RTN1: variants seen among roughly 807,000 people sequenced by gnomAD.
The protein encoded by RTN1 is reticulon-1.
A neutral mutation model predicts 65.5 loss-of-function variants in RTN1; 25 were observed. That is an observed-to-expected ratio of 0.38 (90% CI 0.28 to 0.53). The LOEUF is 0.53. RTN1 is among the 20% of genes least tolerant of loss of function. RTN1 has a pLI of 0.79. For missense variants in RTN1, 983 were observed against 1,025.4 expected (o/e 0.96, Z 0.57); for synonymous variants, 471 against 447.6 (o/e 1.05, Z -0.66).
chr14:59,808,339 T>A (rs376219875), intron 1 of RTN1, among the ~76,000 whole-genome samples: 1 of 152,214 alleles, frequency 6.6e-6, no homozygotes, highest in East Asian at 1.9e-4. Context: ...TTATAAATAA[T>A]CCCAAACTGC....
At chr14:59,662,317 C>A (rs1883267683) in intron 3 of RTN1, among the ~76,000 whole-genome samples, 1 of 138,676 alleles carries the variant, frequency 7.2e-6, no homozygotes, top group African/African-American at 2.6e-5. Context: ...CCCCTCCCCC[C>A]ACCCCACAAC....
chr14:59,797,140 A>T (rs1886455135), intron 1 of RTN1, among the ~76,000 whole-genome samples: 1 of 152,130 alleles, frequency 6.6e-6, no homozygotes, highest in Non-Finnish European at 1.5e-5. Flanking sequence ...AAGATTTATT[A>T]TTTATTTTCT....
At chr14:59,800,344 G>A (rs1471126182) in intron 1 of RTN1, among the ~76,000 whole-genome samples, 1 of 152,170 alleles carries the variant, frequency 6.6e-6, no homozygotes, top group African/African-American at 2.4e-5. Context: ...ATTTTTTGAT[G>A]TTTGGCATTT....
At chr14:59,713,151 G>A (rs971886121) in intron 3 of RTN1, among the ~76,000 whole-genome samples, 2 of 152,096 alleles carry the variant, frequency 1.3e-5, no homozygotes, top group Non-Finnish European at 2.9e-5. Context: ...ATAGCTAGTA[G>A]TAAGTGGAGA....
intron 3 of RTN1, among the ~76,000 whole-genome samples, chr14:59,690,870 GA>G (rs899066921): frequency 2.0e-5 from 3 of 151,766 alleles, no homozygotes; most frequent in South Asian, 2.1e-4. Context: ...AAGGTATAAA[GA>G]AAAAAAATTT....
intron 1 of RTN1, among the ~76,000 whole-genome samples, chr14:59,813,369 T>C (rs1163032172): frequency 1.3e-5 from 2 of 152,084 alleles, no homozygotes; most frequent in African/African-American, 4.8e-5. Context: ...CCCAATTAGT[T>C]TGTGGGGAAA....
intron 3 of RTN1, among the ~76,000 whole-genome samples, chr14:59,610,609 G>C (rs1297112991): frequency 6.6e-6 from 1 of 152,188 alleles, no homozygotes; most frequent in Non-Finnish European, 1.5e-5. Flanking sequence ...AGCTGTCCTT[G>C]TTCATTCCTG....
At chr14:59,833,530 T>C (rs1008434072) in intron 1 of RTN1, among the ~76,000 whole-genome samples, 12 of 152,210 alleles carry the variant, frequency 7.9e-5, no homozygotes, top group African/African-American at 2.7e-4. Flanking sequence ...AAATTTTTTT[T>C]CTTTCCAACT....
chr14:59,684,880 A>C (rs1415269178), intron 3 of RTN1, among the ~76,000 whole-genome samples: 1 of 152,118 alleles, frequency 6.6e-6, no homozygotes, highest in East Asian at 1.9e-4. Context: ...AGTGCTGCTG[A>C]TGAGAAATAT....
At chr14:59,819,425 A>AC (rs1886891981) in intron 1 of RTN1, among the ~76,000 whole-genome samples, 1 of 14,826 alleles carries the variant, frequency 6.7e-5, no homozygotes, top group African/African-American at 6.3e-4. Context: ...CCCCCCCCCC[A>AC]CCCCCCACCC....
chr14:59,800,602 G>A (rs375330630), intron 1 of RTN1, among the ~76,000 whole-genome samples: 29 of 152,132 alleles, frequency 1.9e-4, no homozygotes, highest in Middle Eastern at 3.4e-3. Flanking sequence ...GGGTTTCACC[G>A]TGTTAGCCAG....
At chr14:59,713,304 G>A (rs2139459481) in intron 3 of RTN1, among the ~76,000 whole-genome samples, 1 of 152,316 alleles carries the variant, frequency 6.6e-6, no homozygotes, top group Non-Finnish European at 1.5e-5. Context: ...ATGGGGTTGG[G>A]AGCAGCTGCT....
chr14:59,670,389 C>T (rs1320652018), intron 3 of RTN1, among the ~76,000 whole-genome samples: 5 of 152,202 alleles, frequency 3.3e-5, no homozygotes, highest in Non-Finnish European at 7.3e-5. Context: ...TGAAGCAGCA[C>T]TGAAATTTCT....
intron 4 of RTN1, chr14:59,605,707 G>A (rs1881722121): frequency 2.0e-6 from 1 of 505,342 alleles, no homozygotes; most frequent in African/African-American, 2.0e-5. Context: ...AGAAAGCATG[G>A]TTCTCAGTGG....
Position 59,745,892 on chromosome 14 carries a change from G to C in RTN1, c.831C>G (p.Ile277Met). 6.2e-7 allele frequency: 1 copy of C among 1,614,126 alleles called. No individual in the cohort carries two copies. Among genetic ancestry groups the C allele is most frequent in the Non-Finnish European group, 8.5e-7 (1 of 1,180,026 alleles). ...LSEEQRRAPQ[I>M]TTPVKITLTE... Reference sequence around the variant, plus strand: ...TCAGTGTGATTTTGACAGGGGTGGTGATCTGAGGAGCCCTGCGCTGTTCTT... The same window carrying C: ...TCAGTGTGATTTTGACAGGGGTGGTCATCTGAGGAGCCCTGCGCTGTTCTT... Residue 277 changes from isoleucine (I) to methionine (M), a missense_variant, in exon 2 of 9, where the codon ATC (isoleucine) becomes ATG (methionine). Physicochemically the swap from Ile to Met is conservative, Grantham distance 10 (BLOSUM62 1). Around this residue, in one of 2 missense-constraint regions of RTN1, gnomAD observed 818 missense variants for 801.8 expected, o/e 1.02. Coordinates refer to ENST00000267484, the MANE Select transcript of RTN1 (RefSeq NM_021136.3).
chr14:59,847,166 T>TA (rs1179445667), intron 1 of RTN1, among the ~76,000 whole-genome samples: 4 of 152,224 alleles, frequency 2.6e-5, no homozygotes, highest in Non-Finnish European at 4.4e-5. Flanking sequence ...ATCATGTACA[T>TA]ACTTCTATCG....
rs1226033553 is a variant in RTN1, at chr14:59,749,132, CTA to C, written c.242-2653_242-2652del. 5.0e-3 allele frequency among the ~76,000 whole-genome samples: 52 copies of C among 10,360 alleles called. 1 individual carries two copies. In the East Asian group the frequency reaches 0.058, roughly 12 times the overall value. The allele number at this position is 10,360 out of a possible 152,430, so 6.8% of individuals were successfully genotyped here. On this transcript the variant is annotated intron_variant, in intron 1 of 8. Coordinates refer to ENST00000267484, the MANE Select transcript of RTN1 (RefSeq NM_021136.3). ...TATATATATATATATATAGATATAT[CTA>C]TATCTATCTATCTATCTATCTATAT...
chr14:59,689,449 A>G (rs772417757), intron 3 of RTN1, among the ~76,000 whole-genome samples: 1 of 152,196 alleles, frequency 6.6e-6, no homozygotes, highest in Non-Finnish European at 1.5e-5. Context: ...GATACGAGAA[A>G]TCCAGACAAC....
chr14:59,671,088 T>A (rs943420878), intron 3 of RTN1, among the ~76,000 whole-genome samples: 21 of 152,158 alleles, frequency 1.4e-4, no homozygotes, highest in African/African-American at 4.3e-4. Context: ...CCAGTCTTTG[T>A]GTGGGTACAT....
Sources: gnomAD v4.1 joint callset for allele counts (sites outside exome capture counted in the v4.1 genomes callset) on GRCh38, gnomAD v4.1.1 for gene constraint, gnomAD v4.1.1 regional missense constraint, MANE v1.5 for transcripts, NCBI Gene and HGNC (gene_info 2026-07-23, HGNC 2026-07-21) for gene names.